The following XIRP2 variants were observed in gnomAD, a reference collection of about 807,000 sequenced individuals.
XIRP2 encodes the protein xin actin-binding repeat-containing protein 2.
A neutral mutation model predicts 277.0 loss-of-function variants in XIRP2; 236 were observed. That is an observed-to-expected ratio of 0.85 (90% CI 0.77 to 0.95). The LOEUF (loss-of-function observed/expected upper bound fraction) is 0.95. Ranked by LOEUF, XIRP2 falls within the 40% of genes least tolerant of loss-of-function variation. The pLI is 0.00. For synonymous variants in XIRP2, 1,490 were observed against 1,416.5 expected (o/e 1.05, Z -1.17); for missense variants, 4,640 against 4,157.5 (o/e 1.12, Z -3.19).
At chr2:167,074,110 C>G (rs1689502988) in intron 2 of XIRP2, among the ~76,000 whole-genome samples, 1 of 152,016 alleles carries the variant, frequency 6.6e-6, no homozygotes, top group African/African-American at 2.4e-5. Flanking sequence ...ATCTGAATTT[C>G]CACACTGGTT....
At chr2:167,042,640 A>G (rs546508611) in intron 2 of XIRP2, among the ~76,000 whole-genome samples, 1 of 152,366 alleles carries the variant, frequency 6.6e-6, no homozygotes, top group African/African-American at 2.4e-5. Flanking sequence ...GAAGGGTTCA[A>G]TTCAACAAGA....
At chr2:167,028,242 A>G (rs1215301942) in intron 2 of XIRP2, among the ~76,000 whole-genome samples, 2 of 152,062 alleles carry the variant, frequency 1.3e-5, no homozygotes, top group African/African-American at 4.8e-5. Flanking sequence ...TAATCATATG[A>G]CTATTAACCA....
At chr2:166,946,933 T>G (rs1685886663) in intron 2 of XIRP2, among the ~76,000 whole-genome samples, 1 of 152,246 alleles carries the variant, frequency 6.6e-6, no homozygotes, top group East Asian at 1.9e-4. Flanking sequence ...TTCATTGCTA[T>G]CAATTATCTA....
At chr2:167,056,861 C>T (rs189277899) in intron 2 of XIRP2, among the ~76,000 whole-genome samples, 3 of 152,116 alleles carry the variant, frequency 2.0e-5, no homozygotes, top group Non-Finnish European at 4.4e-5. Context: ...AAGCGGGGAG[C>T]TTTGGTTATA....
chr2:167,029,960 A>C (rs1688292265), intron 2 of XIRP2, among the ~76,000 whole-genome samples: 1 of 151,908 alleles, frequency 6.6e-6, no homozygotes, highest in African/African-American at 2.4e-5. Context: ...TGTGTCCAGG[A>C]ATTTATCTTT....
At chr2:167,207,719 A>G (rs1693898881) in intron 3 of XIRP2, among the ~76,000 whole-genome samples, 1 of 152,160 alleles carries the variant, frequency 6.6e-6, no homozygotes, top group Non-Finnish European at 1.5e-5. Flanking sequence ...CTCATGATTT[A>G]AGAATGTAGA....
At position 167,244,619 on chromosome 2, in the gene XIRP2, C is replaced by G; in HGVS notation, c.3227C>G (p.Thr1076Arg). Reference sequence around the variant, plus strand: ...AAATATTTTAGTGATGTGGAAGAAACAGAAAGTAAAACTGAACAAACTAGA... The same window carrying G: ...AAATATTTTAGTGATGTGGAAGAAAGAGAAAGTAAAACTGAACAAACTAGA... The part of the protein sequence containing the change: ...SIKYFSDVEE[T>R]ESKTEQTRDI... Residue 1076 changes from threonine (T) to arginine (R), a missense_variant, in exon 9 of 11, where the codon ACA becomes AGA. Transcript: ENST00000409195. 1 of 1,612,666 alleles carries G rather than the reference C, an allele frequency of 6.2e-7. No homozygotes were observed. The highest frequency in any genetic ancestry group is 8.5e-7 in the Non-Finnish European group (1 of 1,179,404).
chr2:167,134,366 T>C (rs1244699965), intron 2 of XIRP2, among the ~76,000 whole-genome samples: 1 of 151,802 alleles, frequency 6.6e-6, no homozygotes, highest in Admixed American at 6.6e-5. Flanking sequence ...TATATATATA[T>C]TTACATGTGT....
chr2:166,900,896 G>A (rs1362997790), intron 1 of XIRP2, among the ~76,000 whole-genome samples: 1 of 152,102 alleles, frequency 6.6e-6, no homozygotes, highest in Non-Finnish European at 1.5e-5. Context: ...TCTTCACATG[G>A]CTTCCACTGA....
chr2:166,931,132 G>A (rs1393287899), intron 2 of XIRP2, among the ~76,000 whole-genome samples: 1 of 152,144 alleles, frequency 6.6e-6, no homozygotes, highest in South Asian at 2.1e-4. Flanking sequence ...GGAACAAAGA[G>A]AGAAATAAGA....
intron 5 of XIRP2, 102 bp from the exon 6 acceptor site, chr2:167,239,753 A>G (rs905174994): frequency 5.1e-6 from 5 of 971,602 alleles, no homozygotes; most frequent in Non-Finnish European, 6.1e-6. Context: ...ATACTAAAGA[A>G]TCTCATTTTT....
Position 167,257,961 on chromosome 2 carries a change from A to G in XIRP2, c.*144A>G. The stretch of plus-strand genomic sequence containing the variant: ...TATGATGAAGGTTTTGGACATAAGC[A>G]GCATAAAGATAGATGGAACTGCAAA... On this transcript the variant is annotated 3_prime_UTR_variant, in exon 11 of 11. Coordinates refer to ENST00000409195, the MANE Select transcript of XIRP2 (RefSeq NM_152381.6). The G allele has an allele frequency of 6.2e-7, 1 of 1,613,114 alleles. No homozygotes were observed. The highest frequency in any genetic ancestry group is 8.5e-7 in the Non-Finnish European group (1 of 1,179,422).
intron 2 of XIRP2, among the ~76,000 whole-genome samples, chr2:167,087,757 C>T (rs1039164924): frequency 2.0e-5 from 3 of 151,694 alleles, no homozygotes; most frequent in Non-Finnish European, 4.4e-5. Flanking sequence ...CTCCCTGACC[C>T]CTTGCGCTTC....
Position 167,030,622 on chromosome 2 carries a change from A to T in XIRP2, c.409-105287A>T, listed in dbSNP as rs192967414. On this transcript the variant is annotated intron_variant, in intron 2 of 10. Coordinates refer to ENST00000409195, the MANE Select transcript of XIRP2 (RefSeq NM_152381.6). ...TTTTGCATTTGCTGAGGAGTGTTTT[A>T]CTTTGACTTATGTGATCAATTTTAG... Among the ~76,000 whole-genome samples the T allele has an allele frequency of 3.0e-3, 455 of 152,172 alleles. 4 individuals are homozygous for T. The highest frequency in any genetic ancestry group is 0.011 in the African/African-American group (437 of 41,508).
chr2:167,024,290 T>C (rs1688083774), intron 2 of XIRP2, among the ~76,000 whole-genome samples: 1 of 152,188 alleles, frequency 6.6e-6, no homozygotes, highest in Non-Finnish European at 1.5e-5. Context: ...TTGTGATTTT[T>C]GTACATTGAT....
intron 2 of XIRP2, among the ~76,000 whole-genome samples, chr2:167,123,605 A>T (rs1388506441): frequency 6.6e-6 from 1 of 152,134 alleles, no homozygotes; most frequent in Non-Finnish European, 1.5e-5. Flanking sequence ...TGAAGAAGCT[A>T]TTCCAGGCCT....
chr2:166,939,679 C>CACA (rs1685635047), intron 2 of XIRP2, among the ~76,000 whole-genome samples: 2 of 90,652 alleles, frequency 2.2e-5, no homozygotes, highest in Non-Finnish European at 4.3e-5. Flanking sequence ...GACTCCATCA[C>CACA]AAAAAAAAAA....
At chr2:167,215,449 A>G (rs1694215794) in intron 4 of XIRP2, among the ~76,000 whole-genome samples, 1 of 152,236 alleles carries the variant, frequency 6.6e-6, no homozygotes, top group South Asian at 2.1e-4. Context: ...AGTAATTTAG[A>G]TAATCCTAAT....
At chr2:166,892,341 C>T (rs185982370) in intron 1 of XIRP2, among the ~76,000 whole-genome samples, 7 of 152,026 alleles carry the variant, frequency 4.6e-5, no homozygotes, top group South Asian at 2.1e-4. Flanking sequence ...CACACTGGGC[C>T]GGAGTATGGT....
Sources: gnomAD v4.1 joint callset for allele counts (sites outside exome capture counted in the v4.1 genomes callset) on GRCh38, gnomAD v4.1.1 for gene constraint, MANE v1.5 for transcripts, NCBI Gene and HGNC (gene_info 2026-07-23, HGNC 2026-07-21) for gene names.